Variants in LRIT1 observed in about 807,000 individuals in gnomAD.
LRIT1 encodes leucine rich repeat, Ig-like and transmembrane domains 1.
In LRIT1, 23 loss-of-function variants were observed where a neutral mutation model predicts 24.0. That is an observed-to-expected ratio of 0.96 (90% CI 0.69 to 1.36). The LOEUF is 1.36. LRIT1 is among the 40% of genes most tolerant of loss of function. The pLI is 0.00. For synonymous variants in LRIT1, 361 were observed against 340.5 expected (o/e 1.06, Z -0.66); for missense variants, 846 against 806.3 (o/e 1.05, Z -0.60).
In LRIT1 at chr10:84,232,647, G is replaced by C. The variant is rs1842612196; in HGVS notation, c.1152C>G (p.Pro384=). 6.2e-7 allele frequency: 1 copy of C among 1,613,618 alleles called. No homozygotes were observed. Among genetic ancestry groups the C allele is most frequent in the Admixed American group, 1.7e-5 (1 of 60,008 alleles). ...YNNKLVARHV[P]QIPKPAVLAT... ...CCAGGACAGCGGGTTTGGGAATCTGGGGGACATGCCTGGCCACCAGCTTGT... is the reference window on the plus strand; with the variant it reads ...CCAGGACAGCGGGTTTGGGAATCTGCGGGACATGCCTGGCCACCAGCTTGT... The change falls in exon 4 of 4, where the codon CCC becomes CCG. Residue 384 remains proline (P), a synonymous_variant. Transcript: ENST00000372105.
chr10:84,235,238 G>A (rs1034663541), intron 2 of LRIT1, among the ~76,000 whole-genome samples: 5 of 152,180 alleles, frequency 3.3e-5, no homozygotes, highest in African/African-American at 1.2e-4. Flanking sequence ...TGGGGTGGGT[G>A]CATTCAGATC....
Position 84,232,507 on chromosome 10 carries a change from A to G in LRIT1, c.1292T>C (p.Val431Ala), listed in dbSNP as rs759518383. 6 of 1,613,950 alleles carry G rather than the reference A, an allele frequency of 3.7e-6. No individual in the cohort carries two copies. The Admixed American group carries it at 8.3e-5, about 22-fold the overall frequency. ...GRAGPSEARM[V>A]RSVKVVGDTY... ...GTCCCCCACCACCTTCACAGACCTC[A>G]CCATTCGTGCCTCTGAGGGTCCTGC... The change falls in exon 4 of 4, where the codon GTG becomes GCG. Residue 431 changes from valine (V) to alanine (A), a missense_variant. Transcript: ENST00000372105.
At chr10:84,234,587 C>A (rs1021521488) in intron 2 of LRIT1, among the ~76,000 whole-genome samples, 3 of 152,126 alleles carry the variant, frequency 2.0e-5, no homozygotes, top group African/African-American at 7.2e-5. Flanking sequence ...TTCAGGGTTG[C>A]TTTAAGCATA....
intron 1 of LRIT1, 108 bp from the exon 2 acceptor site, chr10:84,237,794 A>G: frequency 1.1e-5 from 9 of 826,718 alleles, no homozygotes; most frequent in Non-Finnish European, 1.7e-5. Context: ...ATCACCGGAC[A>G]CCCACACCAG....
intron 2 of LRIT1, among the ~76,000 whole-genome samples, chr10:84,236,532 G>A (rs1443763884): frequency 6.6e-6 from 1 of 152,098 alleles, no homozygotes; most frequent in Non-Finnish European, 1.5e-5. Flanking sequence ...ATAGTGTTGG[G>A]TCAAAAAGTT....
chr10:84,238,840 G>A (rs1410702451), intron 1 of LRIT1, among the ~76,000 whole-genome samples: 3 of 152,210 alleles, frequency 2.0e-5, no homozygotes, highest in Non-Finnish European at 4.4e-5. Flanking sequence ...GACTAAAGCA[G>A]AGGATAGAGA....
chr10:84,237,750 A>G (rs1842664354), intron 1 of LRIT1, 64 bp from the exon 2 acceptor site: 1 of 1,316,964 alleles, frequency 7.6e-7, no homozygotes, highest in Non-Finnish European at 1.0e-6. Flanking sequence ...TCCCACCGCT[A>G]CCTCCCTTCG....
Position 84,232,330 on chromosome 10 carries a change from G to A in LRIT1, c.1469C>T (p.Pro490Leu). 2 of 1,613,982 alleles carry A rather than the reference G, an allele frequency of 1.2e-6. No homozygotes were observed. Among genetic ancestry groups the A allele is most frequent in the South Asian group, 2.2e-5 (2 of 91,062 alleles). Residue 490 changes from proline (P) to leucine (L), a missense_variant, in exon 4 of 4, where the codon CCC becomes CTC. By Grantham distance (98) the Pro-to-Leu change is moderately conservative. Coordinates refer to ENST00000372105, the MANE Select transcript of LRIT1 (RefSeq NM_015613.3). ...KTRVTITGLLPKTKYVACVCV... is the reference protein window; with the variant it reads ...KTRVTITGLLLKTKYVACVCV... ...GACACACGCCACATACTTGGTCTTG[G>A]GCAACAGCCCAGTGATGGTCACTCT...
At chr10:84,239,924 C>T (rs374266838) in intron 1 of LRIT1, among the ~76,000 whole-genome samples, 1 of 152,218 alleles carries the variant, frequency 6.6e-6, no homozygotes, top group East Asian at 1.9e-4. Flanking sequence ...TGCAGATGGG[C>T]TGGTGCATGT....
At chr10:84,239,263 A>C (rs1408797528) in intron 1 of LRIT1, among the ~76,000 whole-genome samples, 3 of 152,234 alleles carry the variant, frequency 2.0e-5, no homozygotes, top group Non-Finnish European at 4.4e-5. Flanking sequence ...AAGAGCATTT[A>C]CAGCAATGAT....
chr10:84,237,166 C>T, intron 2 of LRIT1, 54 bp downstream of exon 2: 1 of 1,308,430 alleles, frequency 7.6e-7, no homozygotes, highest in Non-Finnish European at 1.1e-6. Flanking sequence ...AATCGAAACT[C>T]AGGGAAGCGT....
At chr10:84,235,711 A>G (rs749303694) in intron 2 of LRIT1, among the ~76,000 whole-genome samples, 5 of 152,020 alleles carry the variant, frequency 3.3e-5, no homozygotes, top group Non-Finnish European at 4.4e-5. Context: ...TCTGGGTTCA[A>G]GTGATTCTCC....
At chr10:84,234,038 AGGT>A in intron 3 of LRIT1, 32 bp downstream of exon 3, 1 of 1,411,232 alleles carries the variant, frequency 7.1e-7, no homozygotes. Flanking sequence ...TCCCCAGTCT[AGGT>A]TCTCAGTGCA....
chr10:84,237,808 C>A, intron 1 of LRIT1, 122 bp from the exon 2 acceptor site: 1 of 742,706 alleles, frequency 1.3e-6, no homozygotes, highest in Non-Finnish European at 2.2e-6. Flanking sequence ...ACACCAGAGT[C>A]CAAGCCATGA....
At chr10:84,238,456 A>T (rs1047438796) in intron 1 of LRIT1, among the ~76,000 whole-genome samples, 2 of 152,182 alleles carry the variant, frequency 1.3e-5, no homozygotes, top group African/African-American at 4.8e-5. Flanking sequence ...CAAAAATGAA[A>T]CCACCTCAAG....
rs147050752 is a variant in LRIT1 at position 84,232,130 on chromosome 10, G to C, written c.1669C>G (p.Arg557Gly). 6.2e-7 allele frequency: 1 copy of C among 1,614,106 alleles called. No individual in the cohort carries two copies. The highest frequency in any genetic ancestry group is 2.2e-5 in the East Asian group (1 of 44,880). The change falls in exon 4 of 4, where the codon CGA (arginine) becomes GGA (glycine). Residue 557 changes from arginine to glycine, a missense_variant. Coordinates refer to ENST00000372105, the MANE Select transcript of LRIT1 (RefSeq NM_015613.3). The part of the protein sequence containing the change: ...VCCSALQKRC[R>G]KCFNKDSTEA... ...GTGGAGTCCTTGTTGAAGCACTTTC[G>C]GCAGCGCTTCTGAAGAGCACTGCAG...
rs1224457205 is a variant in LRIT1, at chr10:84,237,447, G to C, written c.362C>G (p.Ala121Gly). The C allele has an allele frequency of 6.4e-7, 1 of 1,554,822 alleles. No homozygotes were observed. The highest frequency in any genetic ancestry group is 1.4e-5 in the African/African-American group (1 of 73,674). ...GTCCCTGAGCGCCGCCCAGGGGAAG[G>C]CGGCCAGGCGGTTCCCGGGCAGCCG... Reference protein sequence around the residue: ...ELRLPGNRLAAFPWAALRDAP... With the variant: ...ELRLPGNRLAGFPWAALRDAP... The change falls in exon 2 of 4, where the codon GCC becomes GGC. Residue 121 changes from alanine (A) to glycine (G), a missense_variant. Coordinates refer to ENST00000372105, the MANE Select transcript of LRIT1 (RefSeq NM_015613.3).
At chr10:84,238,634 C>T (rs1366503557) in intron 1 of LRIT1, among the ~76,000 whole-genome samples, 11 of 152,204 alleles carry the variant, frequency 7.2e-5, no homozygotes, top group African/African-American at 2.6e-4. Flanking sequence ...CAAATAGACC[C>T]CACAAGGTGG....
At position 84,236,770 on chromosome 10, in the gene LRIT1, T is replaced by A. The variant is rs113763494; in HGVS notation, c.589+450A>T. On this transcript the variant is annotated intron_variant, in intron 2 of 3. Coordinates refer to ENST00000372105, the MANE Select transcript of LRIT1 (RefSeq NM_015613.3). ...CCTCTTCTGCAATATTTTAAACATT[T>A]GTATTTATTCATGTATGAGTTGTAT... Among the ~76,000 whole-genome samples, 1,477 of 152,360 alleles carry A rather than the reference T, an allele frequency of 9.7e-3. 22 individuals are homozygous for A. Among genetic ancestry groups the A allele is most frequent in the African/African-American group, 0.028 (1,159 of 41,586 alleles).
Sources: allele counts gnomAD v4.1 joint callset (sites outside exome capture counted in the v4.1 genomes callset), GRCh38; gene constraint gnomAD v4.1.1; transcripts MANE v1.5; gene names NCBI Gene and HGNC (gene_info 2026-07-23, HGNC 2026-07-21).